Variants in TUSC3 observed in about 807,000 individuals in gnomAD.
TUSC3 encodes tumor suppressor candidate 3, also known as dolichyl-diphosphooligosaccharide--protein glycosyltransferase subunit TUSC3.
In TUSC3, 45 loss-of-function variants were observed where a neutral mutation model predicts 44.8. The ratio of observed to expected loss-of-function variants is 1.00; its 90% CI spans 0.79 to 1.29. The LOEUF (loss-of-function observed/expected upper bound fraction) is 1.29. TUSC3 is among the 50% of genes most tolerant of loss of function. The probability of loss-of-function intolerance (pLI) is 0.00; values close to 1 mark genes in which losing one functional copy is unlikely to be tolerated. For synonymous variants in TUSC3, 212 were observed against 152.9 expected, an observed-to-expected ratio of 1.39 and a Z score of -2.85; for missense variants, 519 against 437.9, an observed-to-expected ratio of 1.19 and a Z score of -1.65.
chr8:15,455,562 G>A (rs1459877783), intron 1 of TUSC3, among the ~76,000 whole-genome samples: 2 of 151,966 alleles, frequency 1.3e-5, no homozygotes, highest in African/African-American at 2.4e-5. Flanking sequence ...TTGTGTATAT[G>A]TATACATATA....
chr8:15,613,064 G>GATATATATATATATATATATAT (rs34594440), intron 1 of TUSC3, among the ~76,000 whole-genome samples: 38 of 144,556 alleles, frequency 2.6e-4, no homozygotes, highest in African/African-American at 9.1e-4. Context: ...TTATATATAT[G>GATATATATATATATATATATAT]ATATATATAT....
At chr8:15,455,559 T>C (rs1220214083) in intron 1 of TUSC3, among the ~76,000 whole-genome samples, 1 of 152,180 alleles carries the variant, frequency 6.6e-6, no homozygotes, top group East Asian at 1.9e-4. Flanking sequence ...CATTTGTGTA[T>C]ATGTATACAT....
At position 15,487,365 on chromosome 8, in the gene TUSC3, A is replaced by T. The variant is rs867984229; in HGVS notation, n.189+3882A>T. ...TGCTGTGTTCATCAGTGTTCATATTAAAGTCTAAATACCTGATTATTTTCT... is the reference window on the plus strand; with the variant it reads ...TGCTGTGTTCATCAGTGTTCATATTTAAGTCTAAATACCTGATTATTTTCT... On this transcript the variant is annotated intron_variant and non_coding_transcript_variant, in intron 2 of 5. Coordinates refer to the TUSC3 transcript ENST00000503191. Among the ~76,000 whole-genome samples the T allele has an allele frequency of 5.9e-5, 9 of 152,272 alleles. No homozygotes were observed. The South Asian group carries it at 1.7e-3, about 28-fold the overall frequency.
the TUSC3 span, among the ~76,000 whole-genome samples, chr8:15,777,516 TTAAG>T: frequency 2.6e-5 from 4 of 151,868 alleles, no homozygotes; most frequent in Non-Finnish European, 4.4e-5. Context: ...TGTGCTATAT[TTAAG>T]TAGGTAAGAC....
At position 15,579,065 on chromosome 8, in the gene TUSC3, A is replaced by C. The variant is rs1450888873; in HGVS notation, c.138+38497A>C. Reference sequence around the variant, plus strand: ...CTTGGGAGAGTGTATGTGTTGAGGAATTTATCCATTTCTTCTAGATTTTCT... The same window carrying C: ...CTTGGGAGAGTGTATGTGTTGAGGACTTTATCCATTTCTTCTAGATTTTCT... On this transcript the variant is annotated intron_variant, in intron 1 of 10. Transcript: ENST00000503731. Among the ~76,000 whole-genome samples the C allele has an allele frequency of 3.3e-5, 5 of 151,946 alleles. 1 individual carries two copies. The South Asian group carries it at 1.0e-3, about 32-fold the overall frequency.
the TUSC3 span, among the ~76,000 whole-genome samples, chr8:15,786,067 C>A: frequency 1.3e-5 from 2 of 151,690 alleles, no homozygotes; most frequent in African/African-American, 4.8e-5. Context: ...GTTACTCTGC[C>A]CAAAGCTAAT....
At chr8:15,849,462 A>C in the TUSC3 span, among the ~76,000 whole-genome samples, 22 of 152,172 alleles carry the variant, frequency 1.4e-4, no homozygotes, top group Non-Finnish European at 4.4e-5. Flanking sequence ...GTGAAACTGA[A>C]AGTTAAGCTC....
intron 6 of TUSC3, among the ~76,000 whole-genome samples, chr8:15,676,500 A>G (rs1377727630): frequency 6.6e-6 from 1 of 151,938 alleles, no homozygotes; most frequent in African/African-American, 2.4e-5. Context: ...ACTATTTTTT[A>G]TTTTGTTTAG....
chr8:15,849,985 G>A, the TUSC3 span, among the ~76,000 whole-genome samples: 97,310 of 151,612 alleles, frequency 0.64, 32,703 homozygotes, highest in Non-Finnish European at 0.75. Flanking sequence ...TCCACTAAAG[G>A]TAACATTTGA....
At chr8:15,566,722 C>G (rs1038391170) in intron 1 of TUSC3, among the ~76,000 whole-genome samples, 2 of 151,868 alleles carry the variant, frequency 1.3e-5, no homozygotes, top group Admixed American at 6.6e-5. Context: ...CTCCTAGGCT[C>G]AAGCAATCCT....
intron 2 of TUSC3, among the ~76,000 whole-genome samples, chr8:15,635,431 G>A (rs1806022204): frequency 6.6e-6 from 1 of 152,170 alleles, no homozygotes; most frequent in African/African-American, 2.4e-5. Context: ...AATGACTGCT[G>A]AATGCCTTAC....
At position 15,732,745 on chromosome 8, in the gene TUSC3, A is replaced by G. The variant is rs529029458; in HGVS notation, c.862+2016A>G. ...TGAAAACGAAGGAATGAAGTTGAGA[A>G]GAACAAGATTACAAATCGCGTTTAT... On this transcript the variant is annotated intron_variant, in intron 7 of 10. Transcript: ENST00000503731. 3.3e-5 allele frequency among the ~76,000 whole-genome samples: 5 copies of G among 152,342 alleles called. No individual in the cohort carries two copies. The South Asian group carries it at 1.0e-3, about 32-fold the overall frequency.
At chr8:15,433,285 G>T (rs764362437) in intron 1 of TUSC3, among the ~76,000 whole-genome samples, 72 of 152,014 alleles carry the variant, frequency 4.7e-4, no homozygotes, top group Non-Finnish European at 9.1e-4. Context: ...CTGGAACATG[G>T]TCAGATTGAG....
chr8:15,624,480 G>T (rs1158090612), intron 2 of TUSC3, among the ~76,000 whole-genome samples: 1 of 152,158 alleles, frequency 6.6e-6, no homozygotes, highest in Non-Finnish European at 1.5e-5. Context: ...TTGCTGTTGT[G>T]ACTATTTTAT....
chr8:15,639,702 A>T (rs1014903051), intron 2 of TUSC3, among the ~76,000 whole-genome samples: 26 of 151,814 alleles, frequency 1.7e-4, no homozygotes, highest in African/African-American at 6.0e-4. Context: ...TTAGTCATTT[A>T]ACATATTAAA....
In TUSC3 at chr8:15,418,415, A is replaced by C. The variant is rs973983039; in HGVS notation, n.91+1110A>C. 2.6e-5 allele frequency among the ~76,000 whole-genome samples: 4 copies of C among 152,334 alleles called. No individual in the cohort carries two copies. In the South Asian group the frequency reaches 8.3e-4, roughly 32 times the overall value. The stretch of plus-strand genomic sequence containing the variant: ...ACTCTGAAAGTTTTAGGTCTTTACA[A>C]GTATTTACTTCAAACAGTATTTCTC... On this transcript the variant is annotated intron_variant and non_coding_transcript_variant, in intron 1 of 5. Coordinates refer to the TUSC3 transcript ENST00000503191.
At chr8:15,477,637 G>A (rs1247138465) in intron 1 of TUSC3, among the ~76,000 whole-genome samples, 1 of 152,112 alleles carries the variant, frequency 6.6e-6, no homozygotes. Context: ...TAGGAGAATG[G>A]CGTGAACCAG....
intron 6 of TUSC3, among the ~76,000 whole-genome samples, chr8:15,694,124 G>GTATT (rs1190556983): frequency 5.3e-5 from 8 of 151,914 alleles, no homozygotes; most frequent in Non-Finnish European, 1.2e-4. Flanking sequence ...ATTCCATATT[G>GTATT]TATTTCTGTT....
intron 2 of TUSC3, among the ~76,000 whole-genome samples, chr8:15,627,426 T>C (rs1805566070): frequency 6.6e-6 from 1 of 152,234 alleles, no homozygotes; most frequent in African/African-American, 2.4e-5. Context: ...CGGTTGTTTG[T>C]GTGCTTCTTT....
Sources: gnomAD v4.1 joint callset for allele counts (sites outside exome capture counted in the v4.1 genomes callset) on GRCh38, gnomAD v4.1.1 for gene constraint, MANE v1.5 for transcripts, NCBI Gene and HGNC (gene_info 2026-07-23, HGNC 2026-07-21) for gene names.